SPDYA: variants seen among roughly 807,000 people sequenced by gnomAD.
SPDYA encodes speedy/RINGO cell cycle regulator family member A.
Under a neutral mutation model 36.7 loss-of-function variants are expected in SPDYA, and 11 were observed. The ratio of observed to expected loss-of-function variants is 0.30; its 90% CI spans 0.19 to 0.50. The LOEUF is 0.50. SPDYA is among the 20% of genes least tolerant of loss of function. The pLI is 0.98. For synonymous variants in SPDYA, 115 were observed against 118.7 expected, an observed-to-expected ratio of 0.97 and a Z score of 0.20; for missense variants, 287 against 370.9, an observed-to-expected ratio of 0.77 and a Z score of 1.86.
At chr2:28,832,364 T>C (rs1258629056) in intron 6 of SPDYA, among the ~76,000 whole-genome samples, 2 of 152,202 alleles carry the variant, frequency 1.3e-5, no homozygotes, top group Non-Finnish European at 2.9e-5. Flanking sequence ...TTTTGCCAGT[T>C]CCTTTTCACC....
chr2:28,810,944 G>T lies in SPDYA; in HGVS notation c.-96G>T, dbSNP rs1237890211. On this transcript the variant is annotated 5_prime_UTR_variant, in exon 1 of 8. Coordinates refer to ENST00000334056, the MANE Select transcript of SPDYA (RefSeq NM_182756.4). ...CTCTCCCGCGCAGCCCCGGGCTTCC[G>T]CAGGTACCTGTGCTCGCCCCCGGGA... The T allele has an allele frequency of 2.0e-5, 3 of 152,294 alleles. No homozygotes were observed. Among genetic ancestry groups the T allele is most frequent in the Non-Finnish European group, 4.4e-5 (3 of 68,106 alleles). The allele number at this position is 152,294 out of a possible 1,614,324, so 9.4% of individuals were successfully genotyped here.
intron 7 of SPDYA, among the ~76,000 whole-genome samples, chr2:28,843,119 T>C (rs903289046): frequency 6.6e-6 from 1 of 152,224 alleles, no homozygotes; most frequent in African/African-American, 2.4e-5. Flanking sequence ...GGTAAAGACA[T>C]GTTTTCCTAC....
In SPDYA at chr2:28,849,737, T is replaced by C. The variant is rs1273900825; in HGVS notation, c.851-113T>C. On this transcript the variant is annotated intron_variant, in intron 7 of 7. Coordinates refer to ENST00000334056, the MANE Select transcript of SPDYA (RefSeq NM_182756.4). The stretch of plus-strand genomic sequence containing the variant: ...CATTCTTAAGTTTCCCCCCATTATT[T>C]ACTGTAGCCCAGATTTCCTTATTAT... 9 of 597,970 alleles carry C rather than the reference T, an allele frequency of 1.5e-5. No individual in the cohort carries two copies. The Middle Eastern group carries it at 1.8e-3, about 121-fold the overall frequency. The allele number at this position is 597,970 out of a possible 1,614,324, so 37.0% of individuals were successfully genotyped here. A position where few individuals can be genotyped will look rare whatever the true frequency, so the allele number is the denominator to read the frequency against.
rs78553576 is a variant in SPDYA at position 28,816,265 on chromosome 2, T to A, written c.235+16T>A. On this transcript the variant is annotated intron_variant, in intron 3 of 7. Transcript: ENST00000334056. The stretch of plus-strand genomic sequence containing the variant: ...AAATTATTTGGTAGGTTTAAAATAT[T>A]GTAATAGTGGTAATTATAAAGTACT... 3.4e-3 allele frequency: 5,149 copies of A among 1,533,396 alleles called. 129 individuals are homozygous for A. The African/African-American group carries it at 0.06, about 18-fold the overall frequency. 95.0% of individuals were successfully genotyped at this position (1,533,396 alleles called of 1,614,324 possible).
In SPDYA at chr2:28,840,377, C is replaced by A; in HGVS notation, c.758C>A (p.Ala253Glu). The change falls in exon 7 of 8, where the codon GCA (alanine) becomes GAA (glutamate). Residue 253 changes from alanine (A) to glutamate (E), a missense_variant. Coordinates refer to ENST00000334056, the MANE Select transcript of SPDYA (RefSeq NM_182756.4). ...SSSSSLSSHTAGVTEKHSQDS... is the reference protein window; with the variant it reads ...SSSSSLSSHTEGVTEKHSQDS... ...TCATCATCTTTATCCAGTCATACAG[C>A]AGGGGTGACAGAAAAACATTCTCAG... is the stretch of plus-strand genomic sequence containing the variant. 1.2e-6 allele frequency: 2 copies of A among 1,611,728 alleles called. No individual in the cohort carries two copies. The highest frequency in any genetic ancestry group is 1.3e-5 in the African/African-American group (1 of 74,980).
chr2:28,824,216 G>A (rs1040374537), intron 5 of SPDYA, among the ~76,000 whole-genome samples: 6 of 151,868 alleles, frequency 4.0e-5, no homozygotes, highest in Non-Finnish European at 7.4e-5. Context: ...AGTGGCTTAC[G>A]CCTGTAATCC....
intron 5 of SPDYA, 126 bp downstream of exon 5, chr2:28,822,536 T>G (rs1277183316): frequency 2.4e-6 from 1 of 410,978 alleles, no homozygotes; most frequent in Non-Finnish European, 4.4e-6. Context: ...AAATGCTGTA[T>G]GTTTTTTACT....
Position 28,839,392 on chromosome 2 carries a change from A to G in SPDYA, c.553-780A>G, listed in dbSNP as rs532281004. On this transcript the variant is annotated intron_variant, in intron 6 of 7. Transcript: ENST00000334056. ...CTCCATGCTGACAAAACTGAGGAACAGCGAGGTTAAATAACTTACCTATGT... is the reference window on the plus strand; with the variant it reads ...CTCCATGCTGACAAAACTGAGGAACGGCGAGGTTAAATAACTTACCTATGT... 6.1e-3 allele frequency among the ~76,000 whole-genome samples: 932 copies of G among 152,330 alleles called. 4 individuals carry two copies. Among genetic ancestry groups the G allele is most frequent in the Non-Finnish European group, 8.6e-3 (584 of 68,036 alleles).
At chr2:28,846,773 A>AC (rs1668888767) in intron 7 of SPDYA, among the ~76,000 whole-genome samples, 14 of 143,060 alleles carry the variant, frequency 9.8e-5, no homozygotes, top group East Asian at 5.9e-4. Context: ...ACACACACAC[A>AC]AAGGGAAGTG....
At chr2:28,817,010 G>A (rs1441795102) in intron 3 of SPDYA, among the ~76,000 whole-genome samples, 4 of 152,222 alleles carry the variant, frequency 2.6e-5, no homozygotes, top group Middle Eastern at 6.8e-3. Context: ...CTAGAGGAAG[G>A]TCAGGCGCAT....
intron 1 of SPDYA, among the ~76,000 whole-genome samples, chr2:28,812,970 T>A (rs1667889678): frequency 6.6e-6 from 1 of 152,168 alleles, no homozygotes; most frequent in Admixed American, 6.5e-5. Flanking sequence ...TATTTTTAAT[T>A]TGGTTTTCGT....
chr2:28,813,838 C>T (rs1468818991), intron 1 of SPDYA, among the ~76,000 whole-genome samples: 2 of 152,198 alleles, frequency 1.3e-5, no homozygotes, highest in Non-Finnish European at 2.9e-5. Context: ...AGGCATGAGC[C>T]ACTGCGCCCG....
intron 5 of SPDYA, among the ~76,000 whole-genome samples, chr2:28,826,558 G>A (rs1668324039): frequency 1.3e-5 from 2 of 148,688 alleles, no homozygotes; most frequent in South Asian, 2.2e-4. Flanking sequence ...GTTATGCCTC[G>A]CTCGGTCTTC....
At chr2:28,839,505 T>A (rs1668694320) in intron 6 of SPDYA, among the ~76,000 whole-genome samples, 1 of 152,168 alleles carries the variant, frequency 6.6e-6, no homozygotes, top group South Asian at 2.1e-4. Context: ...ATTTTTATTT[T>A]TACTTTTATT....
intron 7 of SPDYA, among the ~76,000 whole-genome samples, chr2:28,843,558 A>AC (rs1016109756): frequency 1.3e-5 from 2 of 151,890 alleles, no homozygotes; most frequent in Non-Finnish European, 2.9e-5. Context: ...CTCAAAAAAA[A>AC]AAAAAAAAAT....
intron 6 of SPDYA, 39 bp downstream of exon 6, chr2:28,829,358 T>G (rs778877636): frequency 6.4e-7 from 1 of 1,566,754 alleles, no homozygotes; most frequent in South Asian, 1.2e-5. Flanking sequence ...TAATCTTTGT[T>G]TTCTGTTTAT....
At position 28,829,202 on chromosome 2, in the gene SPDYA, T is replaced by C. The variant is rs200172248; in HGVS notation, c.435T>C (p.Phe145=). 8.7e-6 allele frequency: 14 copies of C among 1,613,942 alleles called. No homozygotes were observed. The highest frequency in any genetic ancestry group is 1.1e-5 in the Non-Finnish European group (13 of 1,180,006). The change falls in exon 6 of 8, where the codon TTT becomes TTC. Residue 145 remains phenylalanine (F), a synonymous_variant. Transcript: ENST00000334056. ...AAGAAGAAACCAAGTACGAAATTTT[T>C]CCATGGGCTTTAGGGAAAAACTGGA... ...EDEEETKYEI[F]PWALGKNWRK... is the part of the protein sequence containing the mutation.
rs1379353197 is a variant in SPDYA, at chr2:28,840,330, T to C, written c.711T>C (p.Tyr237=). 26 of 1,611,200 alleles carry C rather than the reference T, an allele frequency of 1.6e-5. No individual in the cohort carries two copies. Among genetic ancestry groups the C allele is most frequent in the Non-Finnish European group, 2.2e-5 (26 of 1,178,766 alleles). Residue 237 remains tyrosine (Y), a synonymous_variant, in exon 7 of 8, where the codon TAT becomes TAC. Coordinates refer to ENST00000334056, the MANE Select transcript of SPDYA (RefSeq NM_182756.4). ...CACTCTGTGGTAAAAAAAGAAGATA[T>C]GTTAGACTGGGATTGTCTTCATCAT... ...DCSLCGKKRR[Y]VRLGLSSSSS... is the part of the protein sequence containing the mutation.
chr2:28,825,857 C>T (rs755237796), intron 5 of SPDYA, among the ~76,000 whole-genome samples: 1 of 151,558 alleles, frequency 6.6e-6, no homozygotes, highest in Non-Finnish European at 1.5e-5. Flanking sequence ...CTTGCCTCAG[C>T]CTCCTGAGTA....
Sources: allele counts gnomAD v4.1 joint callset (sites outside exome capture counted in the v4.1 genomes callset), GRCh38; gene constraint gnomAD v4.1.1; transcripts MANE v1.5; gene names NCBI Gene and HGNC (gene_info 2026-07-23, HGNC 2026-07-21).